Variants in CLIC5 observed in about 807,000 individuals in gnomAD.
CLIC5 encodes CLIC family member 5, also known as chloride intracellular channel protein 5.
CLIC5 carries 20 observed loss-of-function variants against 24.7 expected under a neutral mutation model. That is an observed-to-expected ratio of 0.81 (90% CI 0.57 to 1.18). The LOEUF (loss-of-function observed/expected upper bound fraction) is 1.18. Among genes scored for constraint, CLIC5 ranks in the 50% most tolerant of loss-of-function variants. The pLI is 0.00. For synonymous variants in CLIC5, 159 were observed against 135.6 expected (o/e 1.17, Z -1.20); for missense variants, 341 against 326.1 (o/e 1.05, Z -0.35).
Position 45,963,412 on chromosome 6 carries a change from A to T in CLIC5, c.64-8168T>A, listed in dbSNP as rs567066224. On this transcript the variant is annotated intron_variant, in intron 1 of 5. Coordinates refer to ENST00000339561, the MANE Select transcript of CLIC5 (RefSeq NM_016929.5). ...CTGAAATTCTTAATAATTTTGGAGC[A>T]TAGGGTCCCTCATTTTCATTTGGCA... is the stretch of plus-strand genomic sequence containing the variant. Among the ~76,000 whole-genome samples, 7 of 152,296 alleles carry T rather than the reference A, an allele frequency of 4.6e-5. No homozygotes were observed. In the South Asian group the frequency reaches 1.4e-3, roughly 32 times the overall value.
rs766148151 is a variant in CLIC5, at chr6:45,914,288, C to A, written c.528G>T (p.Leu176=). The stretch of plus-strand genomic sequence containing the variant: ...CAGCCAGGGTCAGCTCATCCCCATC[C>A]AGGAACTTGCGCCGGGACCCCTTGT... ...GEDKGSRRKF[L]DGDELTLADC... is the part of the protein sequence containing the mutation. The change falls in exon 5 of 6, where the codon CTG becomes CTT. Residue 176 remains leucine (L), a synonymous_variant. Transcript: ENST00000339561. 6.2e-7 allele frequency: 1 copy of A among 1,608,970 alleles called. No homozygotes were observed. Among genetic ancestry groups the A allele is most frequent in the South Asian group, 1.1e-5 (1 of 90,204 alleles).
At chr6:46,115,340 A>G in the CLIC5 span, among the ~76,000 whole-genome samples, 1 of 152,112 alleles carries the variant, frequency 6.6e-6, no homozygotes, top group Non-Finnish European at 1.5e-5. Context: ...TTCCCATCTC[A>G]CCAAATATAT....
Position 46,045,706 on chromosome 6 carries a change from T to A in CLIC5, c.540+33997A>T, listed in dbSNP as rs564745445. 3.9e-5 allele frequency among the ~76,000 whole-genome samples: 6 copies of A among 152,328 alleles called. No homozygotes were observed. The South Asian group carries it at 1.2e-3, about 32-fold the overall frequency. ...TTCAAAGTCAAAATAATTTTATCTT[T>A]AAACAACTATACCTACTTTTTAAAT... On this transcript the variant is annotated intron_variant, in intron 1 of 5. Transcript: ENST00000185206.
intron 3 of CLIC5, among the ~76,000 whole-genome samples, chr6:45,943,955 T>C (rs1338549972): frequency 3.3e-5 from 5 of 152,256 alleles, no homozygotes; most frequent in Non-Finnish European, 7.3e-5. Flanking sequence ...ATAGGATAAG[T>C]GCATTCATTT....
chr6:46,006,109 T>C (rs1766563564), intron 1 of CLIC5, among the ~76,000 whole-genome samples: 1 of 28,306 alleles, frequency 3.5e-5, no homozygotes, highest in Non-Finnish European at 5.8e-5. Flanking sequence ...TATATATATA[T>C]ATACACATGT....
At chr6:45,994,016 A>T (rs1766038052) in intron 1 of CLIC5, among the ~76,000 whole-genome samples, 1 of 152,222 alleles carries the variant, frequency 6.6e-6, no homozygotes, top group East Asian at 1.9e-4. Context: ...TCTTAAAATC[A>T]GCCCTCAGCT....
the CLIC5 span, among the ~76,000 whole-genome samples, chr6:46,115,703 A>C: frequency 2.0e-5 from 3 of 152,178 alleles, no homozygotes; most frequent in Non-Finnish European, 4.4e-5. Flanking sequence ...TAGACCCTTT[A>C]TTTTTAATGA....
chr6:45,920,121 C>G (rs534088216), intron 4 of CLIC5: 2 of 966,514 alleles, frequency 2.1e-6, no homozygotes, highest in African/African-American at 3.5e-5. Context: ...TCCCCCATGC[C>G]TTACCTTCCA....
intron 1 of CLIC5, among the ~76,000 whole-genome samples, chr6:46,011,514 GT>G (rs1295466381): frequency 6.6e-6 from 1 of 152,204 alleles, no homozygotes; most frequent in Non-Finnish European, 1.5e-5. Context: ...GCCATCAGAA[GT>G]TTTAAAATCT....
At chr6:45,997,428 G>A (rs1267611745) in intron 1 of CLIC5, among the ~76,000 whole-genome samples, 7 of 149,072 alleles carry the variant, frequency 4.7e-5, no homozygotes, top group South Asian at 2.2e-4. Flanking sequence ...TGGGTGCAGC[G>A]CACCAGCATG....
At chr6:45,962,413 G>A (rs773488420) in intron 1 of CLIC5, among the ~76,000 whole-genome samples, 2 of 148,470 alleles carry the variant, frequency 1.3e-5, no homozygotes, top group African/African-American at 5.0e-5. Flanking sequence ...TTTTTTCTAT[G>A]AGGCCTACCC....
intron 1 of CLIC5, among the ~76,000 whole-genome samples, chr6:46,054,560 T>C (rs530436544): frequency 1.3e-5 from 2 of 152,320 alleles, no homozygotes; most frequent in African/African-American, 4.8e-5. Flanking sequence ...TATAGACTAT[T>C]TGTGTCTCCC....
intron 1 of CLIC5, among the ~76,000 whole-genome samples, chr6:45,961,499 C>A (rs1581795120): frequency 6.6e-6 from 1 of 152,192 alleles, no homozygotes. Context: ...AAAAGAGTGA[C>A]AAAGTGGCAA....
At chr6:45,954,272 CAAA>C (rs11311720) in intron 2 of CLIC5, among the ~76,000 whole-genome samples, 6 of 76,540 alleles carry the variant, frequency 7.8e-5, no homozygotes, top group Admixed American at 1.4e-4. Flanking sequence ...GACTCTGTCT[CAAA>C]AAAAAAAAAA....
intron 1 of CLIC5, among the ~76,000 whole-genome samples, chr6:45,967,586 A>T (rs915444448): frequency 2.6e-5 from 4 of 152,184 alleles, no homozygotes; most frequent in Non-Finnish European, 5.9e-5. Flanking sequence ...ATGCAGGTGT[A>T]TTAGGCTGTT....
chr6:46,127,614 T>C, the CLIC5 span, among the ~76,000 whole-genome samples: 2 of 152,244 alleles, frequency 1.3e-5, no homozygotes, highest in Admixed American at 6.5e-5. Flanking sequence ...TTATTATCAT[T>C]AAAGTTCTAC....
chr6:46,109,065 G>C, the CLIC5 span, among the ~76,000 whole-genome samples: 123 of 152,236 alleles, frequency 8.1e-4, 1 homozygote, highest in East Asian at 0.021. Context: ...CTTAGGATAT[G>C]TCATCAGTAA....
upstream of CLIC5, among the ~76,000 whole-genome samples, chr6:46,016,655 T>A (rs1463840150): frequency 3.3e-5 from 5 of 152,222 alleles, no homozygotes; most frequent in African/African-American, 9.6e-5. Context: ...TATGCCTCAA[T>A]GAATTTTCAC....
intron 1 of CLIC5, among the ~76,000 whole-genome samples, chr6:46,012,131 G>T (rs1766830439): frequency 6.6e-6 from 1 of 152,200 alleles, no homozygotes. Flanking sequence ...TATACCTGTG[G>T]TTCCAGCCTA....
Sources: gnomAD v4.1 joint callset for allele counts (sites outside exome capture counted in the v4.1 genomes callset) on GRCh38, gnomAD v4.1.1 for gene constraint, MANE v1.5 for transcripts, NCBI Gene and HGNC (gene_info 2026-07-23, HGNC 2026-07-21) for gene names.